FAM117A: variants seen among roughly 807,000 people sequenced by gnomAD.
The protein encoded by FAM117A is family with sequence similarity 117 member A, also known as protein FAM117A.
A neutral mutation model predicts 44.1 loss-of-function variants in FAM117A; 21 were observed. The ratio of observed to expected loss-of-function variants is 0.48; its 90% confidence interval spans 0.34 to 0.69. The LOEUF (loss-of-function observed/expected upper bound fraction) is 0.69. Among genes scored for constraint, FAM117A ranks in the 30% least tolerant of loss-of-function variants. The pLI is 0.01. For missense variants in FAM117A, 498 were observed against 589.9 expected (o/e 0.84, Z 1.61); for synonymous variants, 220 against 238.3 (o/e 0.92, Z 0.71).
upstream of FAM117A, among the ~76,000 whole-genome samples, chr17:49,767,386 A>G (rs189365304): frequency 1.1e-3 from 167 of 152,296 alleles, no homozygotes; most frequent in East Asian, 1.9e-3. Flanking sequence ...CTCATCACAA[A>G]TTTATTGAAA....
At chr17:49,773,709 G>A (rs538353055) in intron 1 of FAM117A, among the ~76,000 whole-genome samples, 8 of 151,182 alleles carry the variant, frequency 5.3e-5, no homozygotes, top group Middle Eastern at 7.0e-3. Flanking sequence ...CAGGACTTAG[G>A]TGTTCAGTTT....
intron 1 of FAM117A, among the ~76,000 whole-genome samples, chr17:49,760,823 A>C (rs938761287): frequency 1.3e-5 from 2 of 152,234 alleles, no homozygotes; most frequent in Non-Finnish European, 1.5e-5. Context: ...ACATTAAGAC[A>C]CAAAAGAGAA....
upstream of FAM117A, chr17:49,765,667 T>C (rs1010587164): frequency 1.2e-4 from 18 of 152,196 alleles, no homozygotes; most frequent in Admixed American, 1.3e-4. Flanking sequence ...TTTTAATTGA[T>C]TGAAGAAATG....
chr17:49,780,912 C>T lies in FAM117A; in HGVS notation c.-621+7585G>A, dbSNP rs530015355. Among the ~76,000 whole-genome samples, 6 of 152,280 alleles carry T rather than the reference C, an allele frequency of 3.9e-5. No homozygotes were observed. In the South Asian group the frequency reaches 8.3e-4, roughly 21 times the overall value. On this transcript the variant is annotated intron_variant, in intron 1 of 7. Coordinates refer to the FAM117A transcript ENST00000513602. ...ATGGCACAATCTCGGCTCGCTGCAA[C>T]CTCCGCCTCCCGGGTTCAAGCGATT...
chr17:49,719,601 T>A, intron 5 of FAM117A, 159 bp downstream of exon 5: 1 of 905,726 alleles, frequency 1.1e-6, no homozygotes, highest in Non-Finnish European at 1.6e-6. Flanking sequence ...TTGAGACTAA[T>A]AAACTCCATT....
upstream of FAM117A, among the ~76,000 whole-genome samples, chr17:49,767,180 T>G (rs761125969): frequency 6.6e-6 from 1 of 152,202 alleles, no homozygotes; most frequent in Non-Finnish European, 1.5e-5. Flanking sequence ...GGCATGGGCA[T>G]GATGGGAGGA....
intron 1 of FAM117A, 56 bp downstream of exon 1, chr17:49,763,836 G>A: frequency 4.6e-6 from 1 of 215,822 alleles, no homozygotes; most frequent in Non-Finnish European, 6.6e-6. Context: ...CCGCGGTCAC[G>A]CGCCCCCCCT....
intron 1 of FAM117A, among the ~76,000 whole-genome samples, chr17:49,785,579 G>A (rs1229022181): frequency 6.6e-6 from 1 of 152,092 alleles, no homozygotes; most frequent in African/African-American, 2.4e-5. Flanking sequence ...GCAGAGCGGA[G>A]ATTAAAATTC....
intron 1 of FAM117A, among the ~76,000 whole-genome samples, chr17:49,755,032 C>G (rs1424714507): frequency 6.9e-6 from 1 of 144,362 alleles, no homozygotes; most frequent in Non-Finnish European, 1.5e-5. Flanking sequence ...AAGTGAAACT[C>G]CGTCTCAAAA....
chr17:49,752,305 T>A (rs1467096959), intron 1 of FAM117A, among the ~76,000 whole-genome samples: 1 of 152,150 alleles, frequency 6.6e-6, no homozygotes, highest in Non-Finnish European at 1.5e-5. Flanking sequence ...GACTCCACTT[T>A]CAGTTAACCT....
chr17:49,714,416 C>A (rs79158971), intron 7 of FAM117A, among the ~76,000 whole-genome samples: 12,699 of 151,242 alleles, frequency 0.084, 620 homozygotes, highest in African/African-American at 0.14. Flanking sequence ...CAGCTCACTG[C>A]AATCTCCACC....
chr17:49,777,456 T>C lies in FAM117A; in HGVS notation c.-621+11041A>G, dbSNP rs560363178. 4.6e-5 allele frequency among the ~76,000 whole-genome samples: 7 copies of C among 152,276 alleles called. No homozygotes were observed. The South Asian group carries it at 1.5e-3, about 32-fold the overall frequency. ...CTGGTAGTATCTTGTATGAGACCTATGGAACTGGCTGGAATGAGGTTAATG... is the reference window on the plus strand; with the variant it reads ...CTGGTAGTATCTTGTATGAGACCTACGGAACTGGCTGGAATGAGGTTAATG... On this transcript the variant is annotated intron_variant, in intron 1 of 7. Transcript: ENST00000513602.
rs1377468897 is a variant in FAM117A, at chr17:49,750,516, T to C, written c.196+13376A>G. On this transcript the variant is annotated intron_variant, in intron 1 of 7. Coordinates refer to ENST00000240364, the MANE Select transcript of FAM117A (RefSeq NM_030802.4). ...CTGGCCGGGCATGGTGGCTCACGCCTGTAATCCCAGCACTTTGGGAGGCCA... is the reference window on the plus strand; with the variant it reads ...CTGGCCGGGCATGGTGGCTCACGCCCGTAATCCCAGCACTTTGGGAGGCCA... Among the ~76,000 whole-genome samples the C allele has an allele frequency of 1.3e-5, 2 of 151,946 alleles. 1 individual carries two copies. The highest frequency in any genetic ancestry group is 2.9e-5 in the Non-Finnish European group (2 of 67,914).
intron 5 of FAM117A, 131 bp downstream of exon 5, chr17:49,719,629 C>T (rs2073523685): frequency 2.7e-6 from 3 of 1,106,660 alleles, no homozygotes; most frequent in Non-Finnish European, 3.7e-6. Flanking sequence ...CTTTTGCAGG[C>T]TGGTGTTTGT....
chr17:49,763,123 T>TACACAC lies in FAM117A; in HGVS notation c.196+763_196+768dup, dbSNP rs10603200. Among the ~76,000 whole-genome samples, 807 of 141,164 alleles carry TACACAC rather than the reference T, an allele frequency of 5.7e-3. 4 individuals are homozygous for TACACAC. The highest frequency in any genetic ancestry group is 6.8e-3 in the East Asian group (32 of 4,704). 92.6% of individuals were successfully genotyped at this position (141,164 alleles called of 152,430 possible). A position where few individuals can be genotyped will look rare whatever the true frequency, so the allele number is the denominator to read the frequency against. On this transcript the variant is annotated intron_variant, in intron 1 of 7. Transcript: ENST00000240364. ...AAAACTGCCCAGGTCTCCCCCCCGC[T>TACACAC]ACACACACACACACACACACACACA...
At chr17:49,764,620 G>A (rs2073739392), upstream of FAM117A, among the ~76,000 whole-genome samples, 2 of 152,118 alleles carry the variant, frequency 1.3e-5, no homozygotes, top group Admixed American at 6.6e-5. Context: ...CCTTCAAAAA[G>A]TATTACATTT....
At chr17:49,782,157 C>T (rs932966090) in intron 1 of FAM117A, among the ~76,000 whole-genome samples, 74 of 151,702 alleles carry the variant, frequency 4.9e-4, no homozygotes, top group African/African-American at 1.8e-3. Context: ...GGGCGGATCA[C>T]GAGGTCAGGA....
Position 49,711,166 on chromosome 17 carries a change from C to T in FAM117A, c.*89G>A, listed in dbSNP as rs2073475373. ...GTGCTCGAAGGCCGAGAGGGAAGGG[C>T]CCCTCCATACCCCATCTCAGGGGAC... On this transcript the variant is annotated 3_prime_UTR_variant, in exon 8 of 8. Coordinates refer to ENST00000240364, the MANE Select transcript of FAM117A (RefSeq NM_030802.4). 3 of 1,297,134 alleles carry T rather than the reference C, an allele frequency of 2.3e-6. No homozygotes were observed. The highest frequency in any genetic ancestry group is 3.2e-6 in the Non-Finnish European group (3 of 947,708). 80.4% of individuals were successfully genotyped at this position (1,297,134 alleles called of 1,614,324 possible).
At chr17:49,765,828 A>G (rs2073744094), upstream of FAM117A, 1 of 152,244 alleles carries the variant, frequency 6.6e-6, no homozygotes, top group Admixed American at 6.5e-5. Context: ...CTCAATTTCA[A>G]GTAGTTCAAA....
Sources: gnomAD v4.1 joint callset for allele counts (sites outside exome capture counted in the v4.1 genomes callset) on GRCh38, gnomAD v4.1.1 for gene constraint, MANE v1.5 for transcripts, NCBI Gene and HGNC (gene_info 2026-07-23, HGNC 2026-07-21) for gene names.